Variants in LONP1 observed in about 807,000 individuals in gnomAD.
LONP1 encodes the protein lon peptidase 1, mitochondrial.
In LONP1, 31 loss-of-function variants were observed where a neutral mutation model predicts 98.5. The observed-to-expected ratio is 0.31, with a 90% CI of 0.24 to 0.42. LONP1 has a LOEUF of 0.42. Among genes scored for constraint, LONP1 ranks in the 20% least tolerant of loss-of-function variants. The pLI is 1.00. For synonymous variants in LONP1, 781 were observed against 594.7 expected (o/e 1.31, Z -4.56); for missense variants, 1,336 against 1,350.6 (o/e 0.99, Z 0.17).
chr19:5,699,489 G>A (rs1258222503), intron 9 of LONP1, among the ~76,000 whole-genome samples: 2 of 151,730 alleles, frequency 1.3e-5, no homozygotes, highest in African/African-American at 4.8e-5. Flanking sequence ...GGACCCTGAA[G>A]ACCGCAAATG....
chr19:5,698,872 C>T (rs1187455232), intron 10 of LONP1, among the ~76,000 whole-genome samples, 155 bp downstream of exon 10: 4 of 152,250 alleles, frequency 2.6e-5, no homozygotes, highest in Non-Finnish European at 5.9e-5. Flanking sequence ...TGAAGTCCGC[C>T]ACATGGCTGG....
At chr19:5,713,094 C>T (rs2055262485) in intron 3 of LONP1, 40 bp downstream of exon 3, 1 of 1,613,204 alleles carries the variant, frequency 6.2e-7, no homozygotes, top group Non-Finnish European at 8.5e-7. Flanking sequence ...CCGCGTGGTA[C>T]TCTGCCCCCA....
rs1048671539 is a variant in LONP1, at chr19:5,699,086, T to G, written c.1626A>C (p.Arg542=). 1.2e-6 allele frequency: 2 copies of G among 1,607,448 alleles called. No individual in the cohort carries two copies. The highest frequency in any genetic ancestry group is 1.7e-6 in the Non-Finnish European group (2 of 1,176,280). ...IARSIARALN[R]EYFRFSVGGM... Reference sequence around the variant, plus strand: ...CCCCGACGCTGAAGCGGAAGTACTCTCGGTTCAGGGCGCGGGCGATGGAGC... The same window carrying G: ...CCCCGACGCTGAAGCGGAAGTACTCGCGGTTCAGGGCGCGGGCGATGGAGC... The change falls in exon 10 of 18, where the codon CGA becomes CGC. Residue 542 remains arginine (R), a synonymous_variant. Transcript: ENST00000360614.
chr19:5,700,089 A>C lies in LONP1; in HGVS notation c.1506+700T>G, dbSNP rs1216368343. ...AAGTAGCTGGGACTGCAGACACGCAACATCACACCAGGCTAATTAAAAAAA... is the reference window on the plus strand; with the variant it reads ...AAGTAGCTGGGACTGCAGACACGCACCATCACACCAGGCTAATTAAAAAAA... On this transcript the variant is annotated intron_variant, in intron 9 of 17. Coordinates refer to ENST00000360614, the MANE Select transcript of LONP1 (RefSeq NM_004793.4). Among the ~76,000 whole-genome samples, 7 of 151,504 alleles carry C rather than the reference A, an allele frequency of 4.6e-5. No individual in the cohort carries two copies. The East Asian group carries it at 1.2e-3, about 25-fold the overall frequency.
At chr19:5,713,639 G>C (rs1359099498) in intron 2 of LONP1, among the ~76,000 whole-genome samples, 1 of 152,184 alleles carries the variant, frequency 6.6e-6, no homozygotes, top group Non-Finnish European at 1.5e-5. Context: ...TCAGCTCACT[G>C]CAACCTCCAC....
Position 5,707,848 on chromosome 19 carries a change from C to A in LONP1, c.933-22G>T, listed in dbSNP as rs201667315. 9.4e-5 allele frequency: 151 copies of A among 1,611,458 alleles called. No individual in the cohort carries two copies. In the African/African-American group the frequency reaches 1.5e-3, roughly 17 times the overall value. On this transcript the variant is annotated intron_variant, in intron 5 of 17. Transcript: ENST00000360614. ...CTCCCTGGGGGACAAAGGGAGCTGC[C>A]TCGGTGGCCAGGGCCTCACGCTCTG...
intron 3 of LONP1, among the ~76,000 whole-genome samples, chr19:5,712,891 A>G (rs2055259561): frequency 6.6e-6 from 1 of 152,152 alleles, no homozygotes; most frequent in South Asian, 2.1e-4. Context: ...TTGACATCCC[A>G]AAGTGCTGGA....
At position 5,720,127 on chromosome 19, in the gene LONP1, C is replaced by T. The variant is rs755327477; in HGVS notation, c.6G>A (p.Ala2=). The T allele has an allele frequency of 3.5e-6, 5 of 1,414,544 alleles. No homozygotes were observed. The South Asian group carries it at 5.9e-5, about 17-fold the overall frequency. The allele number at this position is 1,414,544 out of a possible 1,614,324, so 87.6% of individuals were successfully genotyped here. M[A]ASTGYVRLWG... is the part of the protein sequence containing the mutation. Reference sequence around the variant, plus strand: ...ACAGTCGCACGTAGCCAGTGCTCGCCGCCATAGCCCGGCCATACTGGCGGC... The same window carrying T: ...ACAGTCGCACGTAGCCAGTGCTCGCTGCCATAGCCCGGCCATACTGGCGGC... Residue 2 remains alanine (A), a synonymous_variant, in exon 1 of 18, where the codon GCG becomes GCA. Transcript: ENST00000360614.
At chr19:5,701,417 C>T (rs1385253293) in intron 8 of LONP1, among the ~76,000 whole-genome samples, 1 of 152,242 alleles carries the variant, frequency 6.6e-6, no homozygotes, top group African/African-American at 2.4e-5. Flanking sequence ...TCTTGGCTCA[C>T]TGCAACCTCC....
intron 10 of LONP1, among the ~76,000 whole-genome samples, chr19:5,697,212 C>G (rs1435927897): frequency 6.6e-6 from 1 of 152,102 alleles, no homozygotes; most frequent in Non-Finnish European, 1.5e-5. Flanking sequence ...AGAAGAATCC[C>G]AGGCCCCACG....
Position 5,696,813 on chromosome 19 carries a change from A to C in LONP1, c.1686-56T>G, listed in dbSNP as rs1599450229. The C allele has an allele frequency of 1.5e-5, 18 of 1,204,688 alleles. No individual in the cohort carries two copies. The East Asian group carries it at 3.7e-4, about 25-fold the overall frequency. The allele number at this position is 1,204,688 out of a possible 1,614,324, so 74.6% of individuals were successfully genotyped here. Reference sequence around the variant, plus strand: ...TTGGTAGCCTGGCTCGGCCACAACGACACCATGCACCCTCCAGGGCCACAG... The same window carrying C: ...TTGGTAGCCTGGCTCGGCCACAACGCCACCATGCACCCTCCAGGGCCACAG... On this transcript the variant is annotated intron_variant, in intron 10 of 17. Coordinates refer to ENST00000360614, the MANE Select transcript of LONP1 (RefSeq NM_004793.4).
chr19:5,696,464 G>A lies in LONP1; in HGVS notation c.1774-93C>T, dbSNP rs193086993. Reference sequence around the variant, plus strand: ...CCAGGGTCAGGGCTGGGGAGACCCCGAGTGAGAGCGGCACCCACACCCTGC... The same window carrying A: ...CCAGGGTCAGGGCTGGGGAGACCCCAAGTGAGAGCGGCACCCACACCCTGC... On this transcript the variant is annotated intron_variant, in intron 11 of 17. Transcript: ENST00000360614. 60 of 1,506,536 alleles carry A rather than the reference G, an allele frequency of 4.0e-5. 1 individual carries two copies. The highest frequency in any genetic ancestry group is 2.5e-4 in the South Asian group (20 of 80,258). The allele number at this position is 1,506,536 out of a possible 1,614,324, so 93.3% of individuals were successfully genotyped here.
rs540192701 is a variant in LONP1 at position 5,713,062 on chromosome 19, A to G, written c.638+72T>C. On this transcript the variant is annotated intron_variant, in intron 3 of 17. Transcript: ENST00000360614. ...ACAGGGCAGAGGCTGATGCTGGGGC[A>G]TAAGGCATCCTGGCTGGTCTCCCGC... 8.1e-6 allele frequency: 13 copies of G among 1,603,078 alleles called. No individual in the cohort carries two copies. The African/African-American group carries it at 1.3e-4, about 16-fold the overall frequency.
chr19:5,700,401 C>T (rs2055018392), intron 9 of LONP1, among the ~76,000 whole-genome samples: 1 of 152,228 alleles, frequency 6.6e-6, no homozygotes, highest in Non-Finnish European at 1.5e-5. Context: ...GCATGAGCCA[C>T]AGCGCCCAGC....
chr19:5,719,779 G>C lies in LONP1; in HGVS notation c.354C>G (p.Pro118=), dbSNP rs758088013. The C allele has an allele frequency of 1.2e-6, 2 of 1,613,234 alleles. No individual in the cohort carries two copies. Among genetic ancestry groups the C allele is most frequent in the Non-Finnish European group, 1.7e-6 (2 of 1,180,002 alleles). Residue 118 remains proline, a synonymous_variant, in exon 1 of 18, where the codon CCC becomes CCG. Transcript: ENST00000360614. ...TGAGCGGCAGGTGCGGAAACACATC[G>C]GGGATCGTCATGGGCGTGAGCGCCG... is the stretch of plus-strand genomic sequence containing the variant. ...VITALTPMTI[P]DVFPHLPLIA... is the part of the protein sequence containing the mutation.
Position 5,696,883 on chromosome 19 carries a change from G to C in LONP1, c.1686-126C>G, listed in dbSNP as rs554412098. 10 of 647,658 alleles carry C rather than the reference G, an allele frequency of 1.5e-5. No homozygotes were observed. In the South Asian group the frequency reaches 1.9e-4, roughly 12 times the overall value. 40.1% of individuals were successfully genotyped at this position (647,658 alleles called of 1,614,324 possible). ...CCCACAAGATGTGGCCATGATGTGGGAGGCGGAAATGCTGGCAGCCGCCGG... is the reference window on the plus strand; with the variant it reads ...CCCACAAGATGTGGCCATGATGTGGCAGGCGGAAATGCTGGCAGCCGCCGG... On this transcript the variant is annotated intron_variant, in intron 10 of 17. Coordinates refer to ENST00000360614, the MANE Select transcript of LONP1 (RefSeq NM_004793.4).
chr19:5,709,733 C>A (rs1395553826), intron 4 of LONP1, among the ~76,000 whole-genome samples: 1 of 151,786 alleles, frequency 6.6e-6, no homozygotes, highest in African/African-American at 2.4e-5. Flanking sequence ...CACGGTGAAA[C>A]CCCGTCTCTA....
chr19:5,719,952 T>C lies in LONP1; in HGVS notation c.181A>G (p.Ile61Val), dbSNP rs1884057052. The C allele has an allele frequency of 3.2e-6, 5 of 1,568,476 alleles. No individual in the cohort carries two copies. Among genetic ancestry groups the C allele is most frequent in the African/African-American group, 2.7e-5 (2 of 72,974 alleles). The change falls in exon 1 of 18, where the codon ATT (isoleucine) becomes GTT (valine). Residue 61 changes from isoleucine to valine, a missense_variant. By Grantham distance (29) the Ile-to-Val change is conservative. This residue lies in a region of LONP1 where 457 missense variants were observed against 403.1 expected (regional missense o/e 1.13). Coordinates refer to ENST00000360614, the MANE Select transcript of LONP1 (RefSeq NM_004793.4). Reference protein sequence around the residue: ...PWALWGRGPAIGGQWRGFWEA... With the variant: ...PWALWGRGPAVGGQWRGFWEA... ...CAAAACCCCCGCCATTGGCCCCCAA[T>C]TGCCGGGCCTCGGCCCCACAGTGCC...
At chr19:5,718,761 A>G (rs2055368122) in intron 1 of LONP1, among the ~76,000 whole-genome samples, 1 of 151,866 alleles carries the variant, frequency 6.6e-6, no homozygotes, top group Non-Finnish European at 1.5e-5. Flanking sequence ...CTACTGTAAA[A>G]GCTCAAGTTC....
Sources: gnomAD v4.1 joint callset for allele counts (sites outside exome capture counted in the v4.1 genomes callset) on GRCh38, gnomAD v4.1.1 for gene constraint, gnomAD v4.1.1 regional missense constraint, MANE v1.5 for transcripts, NCBI Gene and HGNC (gene_info 2026-07-23, HGNC 2026-07-21) for gene names.